The following WDHD1 variants were observed in gnomAD, a reference collection of about 807,000 sequenced individuals.
WDHD1 encodes the protein WD repeat and HMG-box DNA binding protein 1.
A neutral mutation model predicts 135.4 loss-of-function variants in WDHD1; 111 were observed. The observed-to-expected ratio is 0.82, with a 90% confidence interval of 0.70 to 0.96. WDHD1 has a LOEUF of 0.96. Among genes scored for constraint, WDHD1 ranks in the 40% least tolerant of loss-of-function variants. The pLI is 0.00. For missense variants in WDHD1, 1,351 were observed against 1,336.3 expected, an observed-to-expected ratio of 1.01 and a Z score of -0.17; for synonymous variants, 434 against 439.0, an observed-to-expected ratio of 0.99 and a Z score of 0.14.
chr14:54,991,506 T>C, intron 11 of WDHD1, 106 bp from the exon 12 acceptor site: 1 of 1,068,074 alleles, frequency 9.4e-7, no homozygotes, highest in Non-Finnish European at 1.4e-6. Context: ...TCAATGACAC[T>C]GACATGCTAT....
At chr14:54,976,005 G>A (rs80067373) in intron 16 of WDHD1, among the ~76,000 whole-genome samples, 5,373 of 152,160 alleles carry the variant, frequency 0.035, 346 homozygotes, top group African/African-American at 0.12. Flanking sequence ...TCTGTGAAAT[G>A]GGTACACTGT....
Position 55,026,720 on chromosome 14 carries a change from T to C in WDHD1, c.68A>G (p.Asp23Gly). Reference protein sequence around the residue: ...TEGHTEVCFDDSGSFIVTCGS... With the variant: ...TEGHTEVCFDGSGSFIVTCGS... ...TCTCAAAGAACCTTACCTCCCAGAA[T>C]CATCAAAACAGACCTCCGTGTGTCC... Residue 23 changes from aspartate (D) to glycine (G), a missense_variant, in exon 2 of 26, where the codon GAT becomes GGT. Physicochemically the swap from Asp to Gly is moderately conservative, Grantham distance 94. Coordinates refer to ENST00000360586, the MANE Select transcript of WDHD1 (RefSeq NM_007086.4). 6.2e-7 allele frequency: 1 copy of C among 1,614,210 alleles called. No homozygotes were observed. The highest frequency in any genetic ancestry group is 1.3e-5 in the African/African-American group (1 of 75,060).
At position 55,000,378 on chromosome 14, in the gene WDHD1, T is replaced by C. The variant is rs369945944; in HGVS notation, c.942+125A>G. On this transcript the variant is annotated intron_variant, in intron 10 of 25. Transcript: ENST00000360586. The stretch of plus-strand genomic sequence containing the variant: ...AAGTTTTCTTACTATAGATTACTAC[T>C]CAGCATCTACTATAGTAACATGAAA... 2.8e-5 allele frequency: 28 copies of C among 986,028 alleles called. No homozygotes were observed. In the East Asian group the frequency reaches 3.6e-4, roughly 13 times the overall value. The allele number at this position is 986,028 out of a possible 1,614,324, so 61.1% of individuals were successfully genotyped here.
At chr14:55,021,907 A>G (rs149872071) in intron 2 of WDHD1, among the ~76,000 whole-genome samples, 70 of 152,324 alleles carry the variant, frequency 4.6e-4, no homozygotes, top group African/African-American at 1.5e-3. Flanking sequence ...GGCATCTTCA[A>G]TGGTATAATC....
chr14:55,017,750 C>T (rs757741909), intron 2 of WDHD1, among the ~76,000 whole-genome samples: 32 of 152,100 alleles, frequency 2.1e-4, no homozygotes, highest in Non-Finnish European at 4.6e-4. Context: ...AGATAACACA[C>T]CAACAAAAAA....
At chr14:54,974,398 A>C (rs997915009) in intron 16 of WDHD1, among the ~76,000 whole-genome samples, 9 of 151,138 alleles carry the variant, frequency 6.0e-5, no homozygotes, top group African/African-American at 1.9e-4. Flanking sequence ...ACGCCACTGC[A>C]CTCCAGTCTG....
chr14:54,987,042 A>G, intron 14 of WDHD1, 104 bp downstream of exon 14: 1 of 1,333,714 alleles, frequency 7.5e-7, no homozygotes, highest in Non-Finnish European at 1.0e-6. Flanking sequence ...ACACGGATTC[A>G]AAAGGAAGTA....
At chr14:54,989,274 C>A (rs2041746622) in intron 12 of WDHD1, 62 bp from the exon 13 acceptor site, 1 of 1,218,646 alleles carries the variant, frequency 8.2e-7, no homozygotes, top group Non-Finnish European at 1.1e-6. Context: ...AATCAGTAAG[C>A]CACAGTAGTA....
At position 54,939,119 on chromosome 14, in the gene WDHD1, C is replaced by A. The variant is rs2040804739; in HGVS notation, c.*2371G>T. On this transcript the variant is annotated 3_prime_UTR_variant, in exon 26 of 26. Coordinates refer to ENST00000360586, the MANE Select transcript of WDHD1 (RefSeq NM_007086.4). ...TATACAGGTGCTTACTGTCAAATTT[C>A]AAATTTTCTGTAGGTTTGAGAGATT... 1 of 152,092 alleles carries A rather than the reference C, an allele frequency of 6.6e-6. No individual in the cohort carries two copies. The highest frequency in any genetic ancestry group is 2.1e-4 in the South Asian group (1 of 4,822). 9.4% of individuals were successfully genotyped at this position (152,092 alleles called of 1,614,324 possible).
intron 13 of WDHD1, among the ~76,000 whole-genome samples, chr14:54,988,609 A>G (rs1289362933): frequency 7.2e-5 from 11 of 152,154 alleles, no homozygotes. Context: ...GGAAGGATAC[A>G]TATCAAATTG....
At chr14:55,017,481 T>C (rs1429527874) in intron 2 of WDHD1, among the ~76,000 whole-genome samples, 1 of 152,072 alleles carries the variant, frequency 6.6e-6, no homozygotes, top group African/African-American at 2.4e-5. Flanking sequence ...TAGCTAGTAT[T>C]ACAGGCACGC....
At chr14:54,942,066 C>G (rs538032444) in intron 25 of WDHD1, among the ~76,000 whole-genome samples, 2 of 151,784 alleles carry the variant, frequency 1.3e-5, no homozygotes, top group Admixed American at 6.6e-5. Context: ...CTGGCTAACA[C>G]AGTGAAACCC....
intron 24 of WDHD1, among the ~76,000 whole-genome samples, chr14:54,946,212 C>T (rs1595052719): frequency 1.3e-5 from 2 of 152,210 alleles, no homozygotes; most frequent in East Asian, 1.9e-4. Context: ...CAAAATTGAA[C>T]ATTTCTTTCT....
chr14:55,020,901 A>G (rs2042334935), intron 2 of WDHD1, among the ~76,000 whole-genome samples: 1 of 152,358 alleles, frequency 6.6e-6, no homozygotes, highest in African/African-American at 2.4e-5. Context: ...AAAATCATAA[A>G]GAGGAGAAAA....
intron 2 of WDHD1, among the ~76,000 whole-genome samples, chr14:55,021,909 G>A (rs1274411598): frequency 4.6e-5 from 7 of 152,264 alleles, no homozygotes; most frequent in South Asian, 4.1e-4. Context: ...CATCTTCAAT[G>A]GTATAATCCT....
intron 16 of WDHD1, among the ~76,000 whole-genome samples, chr14:54,980,511 T>C (rs2041599828): frequency 6.6e-6 from 1 of 151,980 alleles, no homozygotes; most frequent in Non-Finnish European, 1.5e-5. Context: ...CGGATCAATA[T>C]AAAATACTAT....
chr14:54,993,911 A>G (rs934610294), intron 11 of WDHD1, among the ~76,000 whole-genome samples: 8 of 152,370 alleles, frequency 5.3e-5, no homozygotes, highest in African/African-American at 1.9e-4. Flanking sequence ...AAGGGTCCTC[A>G]AAATTTTTTA....
At chr14:55,003,321 G>T (rs1362831145) in intron 7 of WDHD1, among the ~76,000 whole-genome samples, 8 of 151,806 alleles carry the variant, frequency 5.3e-5, no homozygotes, top group Non-Finnish European at 7.4e-5. Context: ...ACTAGCCTGA[G>T]CAACATAATG....
chr14:54,949,922 C>A (rs979547600), intron 24 of WDHD1, among the ~76,000 whole-genome samples: 2 of 152,080 alleles, frequency 1.3e-5, no homozygotes, highest in Admixed American at 6.6e-5. Flanking sequence ...GAAATAAAAT[C>A]CTTTACAGAC....
Sources: allele counts gnomAD v4.1 joint callset (sites outside exome capture counted in the v4.1 genomes callset), GRCh38; gene constraint gnomAD v4.1.1; transcripts MANE v1.5; gene names NCBI Gene and HGNC (gene_info 2026-07-23, HGNC 2026-07-21).